Variants in PKP2 observed in about 807,000 individuals in gnomAD.
PKP2 encodes the protein plakophilin 2.
A neutral mutation model predicts 83.4 loss-of-function variants in PKP2; 73 were observed. The ratio of observed to expected loss-of-function variants is 0.88; its 90% CI spans 0.72 to 1.06. PKP2 has a LOEUF of 1.06. Among genes scored for constraint, PKP2 ranks in the 50% least tolerant of loss-of-function variants. PKP2 has a pLI of 0.00. For missense variants in PKP2, 966 were observed against 1,065.4 expected (o/e 0.91, Z 1.30); for synonymous variants, 409 against 430.4 (o/e 0.95, Z 0.62).
chr12:32,874,299 G>A (rs1038459157), intron 3 of PKP2, among the ~76,000 whole-genome samples: 3 of 152,088 alleles, frequency 2.0e-5, no homozygotes, highest in Non-Finnish European at 4.4e-5. Context: ...GGTGTCCCAG[G>A]GAGCAGCCTG....
chr12:32,843,159 T>A lies in PKP2; in HGVS notation c.1379-1954A>T, dbSNP rs996024101. 1.3e-5 allele frequency: 6 copies of A among 461,202 alleles called. 1 individual carries two copies. Among genetic ancestry groups the A allele is most frequent in the South Asian group, 9.1e-5 (6 of 65,702 alleles). 28.6% of individuals were successfully genotyped at this position (461,202 alleles called of 1,614,324 possible). On this transcript the variant is annotated intron_variant, in intron 5 of 12. Coordinates refer to ENST00000340811, the MANE Select transcript of PKP2 (RefSeq NM_001005242.3). Reference sequence around the variant, plus strand: ...GACACCCGGCTAATTTTTTTGTATTTTGAGTAGAGACAGGGGTCTCACCAT... The same window carrying A: ...GACACCCGGCTAATTTTTTTGTATTATGAGTAGAGACAGGGGTCTCACCAT...
intron 4 of PKP2, among the ~76,000 whole-genome samples, chr12:32,864,557 A>C (rs1481963886): frequency 1.3e-5 from 2 of 152,112 alleles, no homozygotes. Context: ...AACATGTACC[A>C]TGGTCATGGG....
At chr12:32,853,542 T>C (rs1956719738) in intron 4 of PKP2, among the ~76,000 whole-genome samples, 1 of 149,230 alleles carries the variant, frequency 6.7e-6, no homozygotes, top group African/African-American at 2.5e-5. Context: ...AGTCTCGCTC[T>C]GTCGCTCAGG....
chr12:32,806,553 T>C (rs1401482099), intron 9 of PKP2, among the ~76,000 whole-genome samples: 2 of 152,196 alleles, frequency 1.3e-5, no homozygotes, highest in East Asian at 3.8e-4. Context: ...GTGGGGTCAG[T>C]GGTGATATCC....
intron 4 of PKP2, among the ~76,000 whole-genome samples, chr12:32,868,276 C>G (rs369824817): frequency 6.6e-6 from 1 of 152,116 alleles, no homozygotes; most frequent in Non-Finnish European, 1.5e-5. Flanking sequence ...TGCAGTGGTG[C>G]AATCTTGGCT....
chr12:32,839,092 T>C (rs917582312), intron 6 of PKP2, among the ~76,000 whole-genome samples: 3 of 152,224 alleles, frequency 2.0e-5, no homozygotes, highest in South Asian at 2.1e-4. Flanking sequence ...AGTATATCTG[T>C]GGGAAAAAAG....
chr12:32,839,564 G>A (rs926253060), intron 6 of PKP2, among the ~76,000 whole-genome samples: 1 of 151,818 alleles, frequency 6.6e-6, no homozygotes, highest in East Asian at 1.9e-4. Flanking sequence ...AAGGGAATAC[G>A]GTCATGGTTC....
intron 11 of PKP2, among the ~76,000 whole-genome samples, chr12:32,794,681 A>G (rs1048755146): frequency 2.0e-5 from 3 of 152,236 alleles, no homozygotes; most frequent in Admixed American, 6.5e-5. Flanking sequence ...TTGGATGACT[A>G]TTTGGAAGAA....
intron 4 of PKP2, chr12:32,863,020 T>G (rs1388187954): frequency 6.6e-6 from 1 of 152,342 alleles, no homozygotes; most frequent in Non-Finnish European, 1.5e-5. Flanking sequence ...AAGAAAGAAA[T>G]AAAGAAGTAT....
At chr12:32,813,108 A>C (rs1002967460) in intron 9 of PKP2, among the ~76,000 whole-genome samples, 1 of 152,216 alleles carries the variant, frequency 6.6e-6, no homozygotes, top group Non-Finnish European at 1.5e-5. Context: ...GAAGGTTATA[A>C]ATCTAAATAA....
At chr12:32,821,705 G>T in intron 8 of PKP2, 176 bp from the exon 9 acceptor site, 1 of 614,304 alleles carries the variant, frequency 1.6e-6, no homozygotes, top group Non-Finnish European at 2.8e-6. Context: ...TTAACTTTTA[G>T]CCCATAATGA....
At chr12:32,871,026 C>A (rs1308377782) in intron 3 of PKP2, among the ~76,000 whole-genome samples, 1 of 152,128 alleles carries the variant, frequency 6.6e-6, no homozygotes, top group African/African-American at 2.4e-5. Flanking sequence ...GTCAGGGGGT[C>A]AACTTTCTGT....
At chr12:32,888,107 G>A (rs529930954) in intron 1 of PKP2, among the ~76,000 whole-genome samples, 3 of 152,086 alleles carry the variant, frequency 2.0e-5, no homozygotes, top group Admixed American at 6.6e-5. Flanking sequence ...GCTTGAGCCC[G>A]GGGGGCAGAG....
chr12:32,840,729 C>T (rs938223667), intron 6 of PKP2, among the ~76,000 whole-genome samples: 1 of 152,120 alleles, frequency 6.6e-6, no homozygotes, highest in Non-Finnish European at 1.5e-5. Flanking sequence ...ATAATAAATT[C>T]TTTCAGTTAC....
At chr12:32,864,122 A>AG (rs1384473704) in intron 4 of PKP2, among the ~76,000 whole-genome samples, 26 of 152,166 alleles carry the variant, frequency 1.7e-4, no homozygotes, top group African/African-American at 5.5e-4. Flanking sequence ...ACTCCATTAA[A>AG]GCAGGAGTAG....
At chr12:32,851,111 G>A in intron 4 of PKP2, 138 bp from the exon 5 acceptor site, 4 of 727,676 alleles carry the variant, frequency 5.5e-6, no homozygotes, top group Non-Finnish European at 2.4e-6. Flanking sequence ...GCACAACTGA[G>A]GCTCTTGTAG....
intron 10 of PKP2, among the ~76,000 whole-genome samples, chr12:32,801,055 T>A (rs1956174094): frequency 6.6e-6 from 1 of 152,240 alleles, no homozygotes; most frequent in Non-Finnish European, 1.5e-5. Flanking sequence ...TTTACTTATA[T>A]ATTTGACATG....
intron 11 of PKP2, among the ~76,000 whole-genome samples, chr12:32,793,597 A>C (rs1956092893): frequency 7.4e-6 from 1 of 134,372 alleles, no homozygotes; most frequent in African/African-American, 2.9e-5. Flanking sequence ...AACTGTACTT[A>C]GTCTTTCATA....
intron 1 of PKP2, chr12:32,894,652 T>G (rs1004998125): frequency 6.6e-6 from 1 of 152,244 alleles, no homozygotes; most frequent in Non-Finnish European, 1.5e-5. Flanking sequence ...CCTCCATTTA[T>G]GGAAGAGTTG....
Sources: gnomAD v4.1 joint callset for allele counts (sites outside exome capture counted in the v4.1 genomes callset) on GRCh38, gnomAD v4.1.1 for gene constraint, MANE v1.5 for transcripts, NCBI Gene and HGNC (gene_info 2026-07-23, HGNC 2026-07-21) for gene names.